Variants in NDST1 observed in about 807,000 individuals in gnomAD.
The protein encoded by NDST1 is bifunctional heparan sulfate N-deacetylase/N-sulfotransferase 1.
In NDST1, 35 loss-of-function variants were observed where a neutral mutation model predicts 92.8. The ratio of observed to expected loss-of-function variants is 0.38; its 90% CI spans 0.29 to 0.50. NDST1 has a LOEUF of 0.50. NDST1 is among the 20% of genes least tolerant of loss of function. The pLI is 0.94. For missense variants in NDST1, 822 were observed against 1,182.7 expected (o/e 0.69, Z 4.47); for synonymous variants, 493 against 500.3 (o/e 0.99, Z 0.19).
At chr5:150,536,103 A>G (rs901769866) in intron 6 of NDST1, among the ~76,000 whole-genome samples, 9 of 152,188 alleles carry the variant, frequency 5.9e-5, no homozygotes, top group Non-Finnish European at 8.8e-5. Flanking sequence ...CTTTTGTGAC[A>G]GAGGATCAAG....
At chr5:150,532,074 C>T (rs1255617730) in intron 3 of NDST1, among the ~76,000 whole-genome samples, 4 of 152,232 alleles carry the variant, frequency 2.6e-5, no homozygotes, top group Admixed American at 6.5e-5. Flanking sequence ...ACAGACGTAG[C>T]ATTGGCCACC....
chr5:150,509,199 G>A (rs906217587), intron 1 of NDST1, among the ~76,000 whole-genome samples: 4 of 152,334 alleles, frequency 2.6e-5, no homozygotes, highest in East Asian at 1.9e-4. Flanking sequence ...CTCTCAGGGT[G>A]TATCTGAGGC....
At chr5:150,513,632 G>A (rs1211566205) in intron 1 of NDST1, among the ~76,000 whole-genome samples, 2 of 152,236 alleles carry the variant, frequency 1.3e-5, no homozygotes, top group Non-Finnish European at 2.9e-5. Context: ...GTACATGTGA[G>A]TTGGGTTACT....
intron 11 of NDST1, among the ~76,000 whole-genome samples, chr5:150,545,991 C>CTTTTTTTT (rs34937690): frequency 1.2e-5 from 1 of 83,690 alleles, no homozygotes; most frequent in East Asian, 4.0e-4. Flanking sequence ...CCAGAGCTGT[C>CTTTTTTTT]TTTTTTTTTT....
chr5:150,509,053 C>G (rs998815156), intron 1 of NDST1, among the ~76,000 whole-genome samples: 1 of 152,144 alleles, frequency 6.6e-6, no homozygotes, highest in Non-Finnish European at 1.5e-5. Flanking sequence ...GGACAATGAC[C>G]TCTCATCCCC....
At chr5:150,544,299 T>C (rs1178433836) in intron 10 of NDST1, among the ~76,000 whole-genome samples, 2 of 152,250 alleles carry the variant, frequency 1.3e-5, no homozygotes, top group East Asian at 3.8e-4. Flanking sequence ...GTAAGAGGAA[T>C]AAGTCAGGTT....
intron 2 of NDST1, among the ~76,000 whole-genome samples, chr5:150,523,186 T>G (rs573449195): frequency 6.6e-6 from 1 of 152,374 alleles, no homozygotes; most frequent in East Asian, 1.9e-4. Context: ...CTCAACTGGC[T>G]TGATCACAAA....
Position 150,554,181 on chromosome 5 carries a change from C to T in NDST1, c.*849C>T. ...GGCAGACATGGGCGAGCTGGTGAGA[C>T]TGCCAGCCACGGCTTTGCTTAGCCA... On this transcript the variant is annotated 3_prime_UTR_variant, in exon 15 of 15. Transcript: ENST00000261797. The T allele has an allele frequency of 5.0e-6, 2 of 398,858 alleles. No individual in the cohort carries two copies. The highest frequency in any genetic ancestry group is 8.8e-6 in the Non-Finnish European group (2 of 226,004). The allele number at this position is 398,858 out of a possible 1,614,324, so 24.7% of individuals were successfully genotyped here.
chr5:150,552,038 G>A (rs1382662358), intron 14 of NDST1, 183 bp downstream of exon 14: 4 of 577,140 alleles, frequency 6.9e-6, no homozygotes, highest in Admixed American at 6.3e-5. Context: ...ACCTGATTTC[G>A]TCAAACAAGT....
intron 2 of NDST1, among the ~76,000 whole-genome samples, chr5:150,524,820 A>G (rs1754397090): frequency 6.6e-6 from 1 of 152,240 alleles, no homozygotes; most frequent in South Asian, 2.1e-4. Context: ...TCCTTTGAGC[A>G]TGACCTTTAG....
chr5:150,509,973 C>T (rs932562641), intron 1 of NDST1, among the ~76,000 whole-genome samples: 11 of 152,080 alleles, frequency 7.2e-5, no homozygotes, highest in African/African-American at 2.4e-4. Context: ...GGCCTGGTCA[C>T]CTCCAGGAAG....
intron 1 of NDST1, among the ~76,000 whole-genome samples, chr5:150,514,131 C>G (rs1407438444): frequency 6.6e-6 from 1 of 152,236 alleles, no homozygotes; most frequent in Non-Finnish European, 1.5e-5. Context: ...AGTTATCTCC[C>G]ACCCATGGGT....
chr5:150,513,721 A>G (rs1259758380), intron 1 of NDST1, among the ~76,000 whole-genome samples: 3 of 152,146 alleles, frequency 2.0e-5, no homozygotes, highest in African/African-American at 7.2e-5. Flanking sequence ...TCATTCCTGG[A>G]GCCCACCCAT....
rs147402444 is a variant in NDST1 at position 150,531,929 on chromosome 5, G to A, written c.1009-1016G>A. Among the ~76,000 whole-genome samples, 975 of 152,364 alleles carry A rather than the reference G, an allele frequency of 6.4e-3. 14 individuals are homozygous for A. Among genetic ancestry groups the A allele is most frequent in the African/African-American group, 0.022 (904 of 41,590 alleles). ...GTACTGGGTGCACGGTGCGCGGGAA[G>A]ACCGCATTGCTGGGCACACAGTGTC... On this transcript the variant is annotated intron_variant, in intron 3 of 14. Coordinates refer to ENST00000261797, the MANE Select transcript of NDST1 (RefSeq NM_001543.5).
intron 3 of NDST1, among the ~76,000 whole-genome samples, chr5:150,531,960 C>T (rs1754762302): frequency 6.6e-6 from 1 of 152,132 alleles, no homozygotes; most frequent in Non-Finnish European, 1.5e-5. Flanking sequence ...GTGTCCCATC[C>T]TTGGAAAGGG....
Position 150,553,260 on chromosome 5 carries a change from C to T in NDST1, c.2577C>T (p.Leu859=), listed in dbSNP as rs140123575. 1,935 of 1,613,894 alleles carry T rather than the reference C, an allele frequency of 1.2e-3. 36 individuals carry two copies. The East Asian group carries it at 0.039, about 32-fold the overall frequency. The change falls in exon 15 of 15, where the codon CTC becomes CTT. Residue 859 remains leucine (L), a synonymous_variant. Transcript: ENST00000261797. This position sits in a 1 kb window ranked among gnomAD's most constrained non-coding sequence, Gnocchi z 4.2. ...ATTACCGGGACCACAACATCGAGCTCTCCAAGCTGCTGTATAAGATGGGCC... is the reference window on the plus strand; with the variant it reads ...ATTACCGGGACCACAACATCGAGCTTTCCAAGCTGCTGTATAAGATGGGCC... ...KDYYRDHNIE[L]SKLLYKMGQT...
intron 10 of NDST1, 125 bp downstream of exon 10, chr5:150,543,096 G>A: frequency 7.8e-7 from 1 of 1,284,992 alleles, no homozygotes; most frequent in Non-Finnish European, 1.1e-6. Context: ...CCTGTAAACA[G>A]GGACAAAGTG....
Position 150,539,456 on chromosome 5 carries a change from G to A in NDST1, c.1566+100G>A, listed in dbSNP as rs771488976. Reference sequence around the variant, plus strand: ...CCTGGAGCCAGGAAAGGGTGGAGAGGCATGAGTGAGTGCCTGGCAGTTGGG... The same window carrying A: ...CCTGGAGCCAGGAAAGGGTGGAGAGACATGAGTGAGTGCCTGGCAGTTGGG... On this transcript the variant is annotated intron_variant, in intron 7 of 14. Transcript: ENST00000261797. The A allele has an allele frequency of 6.2e-6, 10 of 1,602,662 alleles. No homozygotes were observed. The East Asian group carries it at 6.7e-5, about 11-fold the overall frequency.
intron 9 of NDST1, among the ~76,000 whole-genome samples, chr5:150,542,392 T>A (rs1326735573): frequency 6.6e-6 from 1 of 152,196 alleles, no homozygotes; most frequent in African/African-American, 2.4e-5. Context: ...GAACAAGATT[T>A]CTTAGTTCTT....
Sources: gnomAD v4.1 joint callset for allele counts (sites outside exome capture counted in the v4.1 genomes callset) on GRCh38, gnomAD v4.1.1 for gene constraint, Gnocchi (gnomAD v3.1) non-coding constraint, MANE v1.5 for transcripts, NCBI Gene and HGNC (gene_info 2026-07-23, HGNC 2026-07-21) for gene names.